Variants in TTN observed in about 807,000 individuals in gnomAD.
TTN encodes titin, also known as connectin.
A neutral mutation model predicts 3,223.0 loss-of-function variants in TTN; 1,525 were observed. The ratio of observed to expected loss-of-function variants is 0.47; its 90% CI spans 0.45 to 0.49. The LOEUF is 0.49. Among genes scored for constraint, TTN ranks in the 20% least tolerant of loss-of-function variants. The pLI is 0.00. For synonymous variants in TTN, 14,094 were observed against 15,161.0 expected (o/e 0.93, Z 5.17); for missense variants, 40,786 against 43,424.0 (o/e 0.94, Z 5.40).
intron 335 of TTN, 116 bp downstream of exon 335, chr2:178,551,514 C>T: frequency 2.1e-6 from 2 of 949,864 alleles, no homozygotes; most frequent in Non-Finnish European, 1.5e-6. Flanking sequence ...GACCAGTTCT[C>T]TAGTGACAAG....
chr2:178,767,781 C>T lies in TTN; in HGVS notation c.9449G>A (p.Arg3150Gln), dbSNP rs141093658. 40 of 1,614,000 alleles carry T rather than the reference C, an allele frequency of 2.5e-5. No homozygotes were observed. Among genetic ancestry groups the T allele is most frequent in the African/African-American group, 4.0e-5 (3 of 74,928 alleles). ...TACCTGAACCTCCTTTTTAATACTT[C>T]GGATGCGAACATCTCTGCCTTCTAC... ...LFVEGRDVRIRSIKKEVQVIE... is the reference protein window; with the variant it reads ...LFVEGRDVRIQSIKKEVQVIE... Residue 3150 changes from arginine to glutamine, a missense_variant, in exon 40 of 363, where the codon CGA becomes CAA. Physicochemically the swap from Arg to Gln is conservative, Grantham distance 43. Coordinates refer to ENST00000589042, the MANE Select transcript of TTN (RefSeq NM_001267550.2).
chr2:178,555,028 A>T lies in TTN; in HGVS notation c.88431T>A (p.Asp29477Glu). 2 of 1,613,728 alleles carry T rather than the reference A, an allele frequency of 1.2e-6. No homozygotes were observed. The highest frequency in any genetic ancestry group is 1.7e-6 in the Non-Finnish European group (2 of 1,179,816). ...KPAPTIEWYK[D>E]DKELQTNALV... ...GTGCATTGGTTTGTAATTCTTTATCATCTTTATACCACTCAATAGTAGGCG... is the reference window on the plus strand; with the variant it reads ...GTGCATTGGTTTGTAATTCTTTATCTTCTTTATACCACTCAATAGTAGGCG... Residue 29477 changes from aspartate (D) to glutamate (E), a missense_variant, in exon 331 of 363, where the codon GAT (aspartate) becomes GAA (glutamate). Asp to Glu is a conservative substitution (Grantham distance 45). Coordinates refer to ENST00000589042, the MANE Select transcript of TTN (RefSeq NM_001267550.2).
chr2:178,655,173 C>T (rs1287104249), intron 189 of TTN, among the ~76,000 whole-genome samples, 178 bp from the exon 190 acceptor site: 9 of 136,098 alleles, frequency 6.6e-5, no homozygotes, highest in Admixed American at 2.2e-4. Context: ...ACAGAACCAA[C>T]GACAAAAACC....
At position 178,548,496 on chromosome 2, in the gene TTN, C is replaced by A. The variant is rs750213547; in HGVS notation, c.93130G>T (p.Gly31044Cys). 19 of 1,613,726 alleles carry A rather than the reference C, an allele frequency of 1.2e-5. No individual in the cohort carries two copies. In the Admixed American group the frequency reaches 1.3e-4, roughly 11 times the overall value. Residue 31044 changes from glycine to cysteine, a missense_variant, in exon 339 of 363, where the codon GGT (glycine) becomes TGT (cysteine). Gly to Cys is a radical substitution (Grantham distance 159). Transcript: ENST00000589042. This position sits in a 1 kb window ranked among gnomAD's most constrained non-coding sequence, Gnocchi z 4.3. Reference sequence around the variant, plus strand: ...ACATAATGATGGATTCGGGCACCACCGTCAAGAAGAGGGGCATCCCACATC... The same window carrying A: ...ACATAATGATGGATTCGGGCACCACAGTCAAGAAGAGGGGCATCCCACATC... Reference protein sequence around the residue: ...TLMWDAPLLDGGARIHHYVVE... With the variant: ...TLMWDAPLLDCGARIHHYVVE...
At chr2:178,702,809 A>G in intron 106 of TTN, 146 bp from the exon 107 acceptor site, 2 of 749,638 alleles carry the variant, frequency 2.7e-6, no homozygotes, top group Non-Finnish European at 4.1e-6. Flanking sequence ...ATGAGAAGAA[A>G]TGCACTCTTC....
rs369517119 is a variant in TTN, at chr2:178,717,245, G to T, written c.25489C>A (p.Arg8497Ser). The change falls in exon 88 of 363, where the codon CGC becomes AGC. Residue 8497 changes from arginine to serine, a missense_variant. Physicochemically the swap from Arg to Ser is moderately radical, Grantham distance 110. Coordinates refer to ENST00000589042, the MANE Select transcript of TTN (RefSeq NM_001267550.2). ...ITWAKDNREI[R>S]PGGNYKMTLV... ...GTCATCTTGTAGTTGCCTCCAGGGC[G>T]AATCTCTCGGTTATCTTTGGCCCAA... The T allele has an allele frequency of 6.2e-7, 1 of 1,613,702 alleles. No homozygotes were observed. Among genetic ancestry groups the T allele is most frequent in the Non-Finnish European group, 8.5e-7 (1 of 1,179,678 alleles).
intron 135 of TTN, 118 bp downstream of exon 135, chr2:178,682,579 G>T: frequency 9.6e-7 from 1 of 1,039,462 alleles, no homozygotes; most frequent in East Asian, 2.7e-5. Flanking sequence ...ATGAAACAAA[G>T]TTCTTTCCAA....
chr2:178,541,127 T>G, intron 350 of TTN, 155 bp downstream of exon 350: 1 of 731,264 alleles, frequency 1.4e-6, no homozygotes, highest in Non-Finnish European at 2.0e-6. Context: ...AAGGGAACTT[T>G]ACGGGGTAAT....
Position 178,652,309 on chromosome 2 carries a change from C to A in TTN, c.39166G>T (p.Val13056Leu), listed in dbSNP as rs727504201. ...GGCTTTTTAGGAGGAGGCACTGGCA[C>A]TTTCTTTTCAGGAACAACTTCTTTG... ...APKEVVPEKK[V>L]PVPPPKKPEV... Residue 13056 changes from valine (V) to leucine (L), a missense_variant, in exon 203 of 363, where the codon GTG (valine) becomes TTG (leucine). By Grantham distance (32) the Val-to-Leu change is conservative. Transcript: ENST00000589042. The A allele has an allele frequency of 3.6e-5, 58 of 1,613,588 alleles. No individual in the cohort carries two copies. The Admixed American group carries it at 9.3e-4, about 26-fold the overall frequency.
chr2:178,645,439 AG>A (rs532196786), intron 217 of TTN, among the ~76,000 whole-genome samples: 368 of 152,224 alleles, frequency 2.4e-3, no homozygotes, highest in African/African-American at 8.2e-3. Flanking sequence ...GGCACATATC[AG>A]CTACTGGAAA....
In TTN at chr2:178,611,274, G is replaced by GT. The variant is rs1559777716; in HGVS notation, c.50858-4dup. On this transcript the variant is annotated splice_polypyrimidine_tract_variant and splice_region_variant and intron_variant, in intron 269 of 362. Coordinates refer to ENST00000589042, the MANE Select transcript of TTN (RefSeq NM_001267550.2). ...CTCCAGGTCAATTGTTGGCTTGCCT[G>GT]TAAGATATCATTCAAAAGAGCAAAA... The GT allele has an allele frequency of 1.2e-6, 2 of 1,611,342 alleles. No individual in the cohort carries two copies. Among genetic ancestry groups the GT allele is most frequent in the Non-Finnish European group, 1.7e-6 (2 of 1,178,976 alleles).
chr2:178,537,094 A>C lies in TTN; in HGVS notation c.100015T>G (p.Trp33339Gly). ...GAGATGGCTGAAGACACCAATTGCCATTCAGCCCCCTCCTTGGCCTCACAT... is the reference window on the plus strand; with the variant it reads ...GAGATGGCTGAAGACACCAATTGCCCTTCAGCCCCCTCCTTGGCCTCACAT... ...EKCEAKEGAE[W>G]QLVSSAISVT... is the part of the protein sequence containing the mutation. The change falls in exon 356 of 363, where the codon TGG (tryptophan) becomes GGG (glycine). Residue 33339 changes from tryptophan to glycine, a missense_variant. Coordinates refer to ENST00000589042, the MANE Select transcript of TTN (RefSeq NM_001267550.2). 1.5e-5 allele frequency: 25 copies of C among 1,613,276 alleles called. No individual in the cohort carries two copies. Among genetic ancestry groups the C allele is most frequent in the Non-Finnish European group, 2.0e-5 (24 of 1,179,576 alleles).
In TTN at chr2:178,671,120, C is replaced by A. The variant is rs770262052; in HGVS notation, c.35278G>T (p.Val11760Phe). The A allele has an allele frequency of 2.5e-6, 4 of 1,604,826 alleles. No individual in the cohort carries two copies. Among genetic ancestry groups the A allele is most frequent in the Non-Finnish European group, 3.4e-6 (4 of 1,176,116 alleles). Reference sequence around the variant, plus strand: ...GCTGGTGGCTCTTTTCGAGGAACAACTTTAGTGGGCGGTTTTTTTGGAGGG... The same window carrying A: ...GCTGGTGGCTCTTTTCGAGGAACAAATTTAGTGGGCGGTTTTTTTGGAGGG... ...IIPPKKPPTK[V>F]VPRKEPPAKV... The change falls in exon 156 of 363, where the codon GTT (valine) becomes TTT (phenylalanine). Residue 11760 changes from valine (V) to phenylalanine (F), a missense_variant. Physicochemically the swap from Val to Phe is conservative, Grantham distance 50 (BLOSUM62 -1). Coordinates refer to ENST00000589042, the MANE Select transcript of TTN (RefSeq NM_001267550.2).
chr2:178,711,918 G>A (rs1175743933), intron 96 of TTN, 26 bp downstream of exon 96: 7 of 1,529,616 alleles, frequency 4.6e-6, no homozygotes, highest in East Asian at 2.3e-5. Context: ...ACACAAATTC[G>A]TTCACTTTAA....
At chr2:178,601,589 AGCAAC>A (rs765226316) in intron 286 of TTN, 25 bp from the exon 287 acceptor site, 1 of 1,594,614 alleles carries the variant, frequency 6.3e-7, no homozygotes, top group South Asian at 1.1e-5. Context: ...TCACAATATA[AGCAAC>A]GTTCCTTAAA....
At position 178,704,618 on chromosome 2, in the gene TTN, C is replaced by G. The variant is rs773555150; in HGVS notation, c.29854G>C (p.Asp9952His). 9.9e-6 allele frequency: 16 copies of G among 1,612,586 alleles called. No homozygotes were observed. The highest frequency in any genetic ancestry group is 1.2e-5 in the Non-Finnish European group (14 of 1,179,162). The change falls in exon 105 of 363, where the codon GAT becomes CAT. Residue 9952 changes from aspartate (D) to histidine (H), a missense_variant. Coordinates refer to ENST00000589042, the MANE Select transcript of TTN (RefSeq NM_001267550.2). ...EPSDKFEISI[D>H]GDRHTLRVKN... The stretch of plus-strand genomic sequence containing the variant: ...ACTCTGAGTGTATGTCGGTCACCAT[C>G]AATGCTTATTTCAAATTTATCACTG...
rs1702639086 is a variant in TTN, at chr2:178,559,098, T to C, written c.86821+213A>G. The C allele has an allele frequency of 1.4e-5, 6 of 418,584 alleles. No homozygotes were observed. In the South Asian group the frequency reaches 2.5e-4, roughly 18 times the overall value. 25.9% of individuals were successfully genotyped at this position (418,584 alleles called of 1,614,324 possible). ...AATAATACTTAAATTCAACATATAT[T>C]ATCCAATTTTAGCTACGTAAATTTC... On this transcript the variant is annotated intron_variant, in intron 326 of 362. Coordinates refer to ENST00000589042, the MANE Select transcript of TTN (RefSeq NM_001267550.2).
Position 178,794,405 on chromosome 2 carries a change from T to C in TTN, c.1392A>G (p.Gln464=). The change falls in exon 8 of 363, where the codon CAA becomes CAG. Residue 464 remains glutamine (Q), a synonymous_variant. Transcript: ENST00000589042. The part of the protein sequence containing the change: ...TTTAVHIQPA[Q]EQVRKEAEKT... ...ATGGCAGCCTCGCACGTACCTGTTCTTGAGCAGGTTGGATGTGCACAGCAG... is the reference window on the plus strand; with the variant it reads ...ATGGCAGCCTCGCACGTACCTGTTCCTGAGCAGGTTGGATGTGCACAGCAG... 1.2e-6 allele frequency: 2 copies of C among 1,614,198 alleles called. No homozygotes were observed. The highest frequency in any genetic ancestry group is 8.5e-7 in the Non-Finnish European group (1 of 1,180,012).
In TTN at chr2:178,802,144, C is replaced by T. The variant is rs185921345; in HGVS notation, c.289G>A (p.Val97Met). The change falls in exon 3 of 363, where the codon GTG becomes ATG. Residue 97 changes from valine (V) to methionine (M), a missense_variant. Physicochemically the swap from Val to Met is conservative, Grantham distance 21 (BLOSUM62 1). Coordinates refer to ENST00000589042, the MANE Select transcript of TTN (RefSeq NM_001267550.2). ...GQATSTAELLVKAETAPPNFV... is the reference protein window; with the variant it reads ...GQATSTAELLMKAETAPPNFV... The stretch of plus-strand genomic sequence containing the variant: ...CAGGTCCCCAGCAGCCTACCTTTCA[C>T]GAGAAGCTCAGCAGTACTAGTCGCT... 1.2e-3 allele frequency: 1,894 copies of T among 1,614,088 alleles called. 18 individuals carry two copies. The highest frequency in any genetic ancestry group is 6.6e-4 in the Middle Eastern group (4 of 6,040).
Sources: allele counts gnomAD v4.1 joint callset (sites outside exome capture counted in the v4.1 genomes callset), GRCh38; gene constraint gnomAD v4.1.1; non-coding constraint Gnocchi (gnomAD v3.1); transcripts MANE v1.5; gene names NCBI Gene and HGNC (gene_info 2026-07-23, HGNC 2026-07-21).